The following RARB variants were observed in gnomAD, a reference collection of about 807,000 sequenced individuals.
The protein encoded by RARB is HBV-activated protein.
In RARB, 17 loss-of-function variants were observed where a neutral mutation model predicts 51.9. The observed-to-expected ratio is 0.33, with a 90% confidence interval of 0.22 to 0.49. The LOEUF (loss-of-function observed/expected upper bound fraction) is 0.49, where lower values mean the gene tolerates loss of function less well. Ranked by LOEUF, RARB falls within the 20% of genes least tolerant of loss-of-function variation. The pLI, the probability that RARB is intolerant of heterozygous loss-of-function variation, is 0.99. For synonymous variants in RARB, 215 were observed against 195.4 expected, an observed-to-expected ratio of 1.10 and a Z score of -0.84; for missense variants, 369 against 550.8, an observed-to-expected ratio of 0.67 and a Z score of 3.30.
At chr3:25,045,654 C>G (rs1334160378) in intron 2 of RARB, among the ~76,000 whole-genome samples, 1 of 152,104 alleles carries the variant, frequency 6.6e-6, no homozygotes, top group Admixed American at 6.5e-5. Flanking sequence ...TTTCTAATGC[C>G]TCATGAACCT....
At chr3:25,441,707 A>G (rs551368807) in intron 1 of RARB, among the ~76,000 whole-genome samples, 3 of 152,164 alleles carry the variant, frequency 2.0e-5, no homozygotes, top group Non-Finnish European at 4.4e-5. Flanking sequence ...CTGGATACCT[A>G]CTGCCATAGC....
chr3:25,285,458 G>A (rs1178305950), intron 5 of RARB, among the ~76,000 whole-genome samples: 3 of 152,166 alleles, frequency 2.0e-5, no homozygotes, highest in African/African-American at 7.2e-5. Context: ...AGACATTTAA[G>A]GGGGCTGTTG....
intron 2 of RARB, among the ~76,000 whole-genome samples, chr3:25,025,344 C>G (rs1697724764): frequency 6.6e-6 from 1 of 152,162 alleles, no homozygotes; most frequent in African/African-American, 2.4e-5. Flanking sequence ...TGGAGCCCTT[C>G]TCCTTTTGAC....
intron 1 of RARB, among the ~76,000 whole-genome samples, chr3:24,857,476 C>T (rs557017917): frequency 6.6e-6 from 1 of 152,142 alleles, no homozygotes; most frequent in African/African-American, 2.4e-5. Context: ...ATAATTATGT[C>T]CCCAATACAA....
At chr3:25,269,320 A>G (rs1013868782) in intron 5 of RARB, among the ~76,000 whole-genome samples, 2 of 152,202 alleles carry the variant, frequency 1.3e-5, no homozygotes, top group African/African-American at 4.8e-5. Context: ...TCTTTAACGT[A>G]TATGCCCCAC....
chr3:25,550,253 G>T lies in RARB; in HGVS notation c.449-19505G>T, dbSNP rs1040927887. 3.3e-5 allele frequency among the ~76,000 whole-genome samples: 5 copies of T among 152,258 alleles called. No individual in the cohort carries two copies. The South Asian group carries it at 1.0e-3, about 32-fold the overall frequency. ...TTGAGACATTATGCAGTTTCCTAAA[G>T]CCTTGAGGAAAAGGAGTATGTGTGT... On this transcript the variant is annotated intron_variant, in intron 3 of 7. Coordinates refer to ENST00000330688, the MANE Select transcript of RARB (RefSeq NM_000965.5).
chr3:25,389,650 A>T (rs1416269243), intron 5 of RARB, among the ~76,000 whole-genome samples: 1 of 152,142 alleles, frequency 6.6e-6, no homozygotes, highest in East Asian at 1.9e-4. Flanking sequence ...CCATTCATTA[A>T]TTTTACAAGT....
chr3:25,298,451 A>G (rs1203799555), intron 5 of RARB, among the ~76,000 whole-genome samples: 1 of 152,140 alleles, frequency 6.6e-6, no homozygotes, highest in Non-Finnish European at 1.5e-5. Flanking sequence ...TACATGCTTA[A>G]AAACTCAGCT....
intron 5 of RARB, among the ~76,000 whole-genome samples, chr3:25,180,640 T>C (rs1322611640): frequency 6.6e-6 from 1 of 152,234 alleles, no homozygotes; most frequent in African/African-American, 2.4e-5. Context: ...TGGTGACTTA[T>C]GCCTTGTCAC....
intron 1 of RARB, among the ~76,000 whole-genome samples, chr3:25,429,799 A>G (rs1708131466): frequency 6.6e-6 from 1 of 152,246 alleles, no homozygotes; most frequent in South Asian, 2.1e-4. Flanking sequence ...GGGTGGCTGT[A>G]GTGGGAGCCT....
chr3:25,291,011 G>C (rs1703772930), intron 5 of RARB, among the ~76,000 whole-genome samples: 1 of 152,094 alleles, frequency 6.6e-6, no homozygotes, highest in South Asian at 2.1e-4. Flanking sequence ...CAAGAGCTTT[G>C]GTAAAGAGAC....
At chr3:25,586,875 C>T (rs1047843107) in intron 5 of RARB, among the ~76,000 whole-genome samples, 2 of 152,198 alleles carry the variant, frequency 1.3e-5, no homozygotes, top group South Asian at 2.1e-4. Flanking sequence ...TGCGCCTGGG[C>T]GTCTGTGCCA....
intron 4 of RARB, among the ~76,000 whole-genome samples, chr3:25,157,857 C>A (rs1700405074): frequency 6.6e-6 from 1 of 152,170 alleles, no homozygotes; most frequent in Admixed American, 6.5e-5. Context: ...ATAAGACTCA[C>A]CTCTTTATTT....
At chr3:25,530,484 G>A (rs910248995) in intron 3 of RARB, among the ~76,000 whole-genome samples, 2 of 152,202 alleles carry the variant, frequency 1.3e-5, no homozygotes, top group Admixed American at 1.3e-4. Flanking sequence ...CTTTTTGGAG[G>A]CTCTAGGGGA....
At chr3:24,832,325 C>G (rs1702293157) in intron 1 of RARB, among the ~76,000 whole-genome samples, 1 of 151,900 alleles carries the variant, frequency 6.6e-6, no homozygotes, top group Non-Finnish European at 1.5e-5. Context: ...TGGAACAGCA[C>G]AGTGAAATCA....
intron 5 of RARB, among the ~76,000 whole-genome samples, chr3:25,285,380 A>G (rs1703624308): frequency 6.6e-6 from 1 of 152,112 alleles, no homozygotes; most frequent in African/African-American, 2.4e-5. Flanking sequence ...AAGAGAGGAG[A>G]GAGAGAGATG....
chr3:25,332,651 G>A (rs1449869857), intron 5 of RARB, among the ~76,000 whole-genome samples: 1 of 152,120 alleles, frequency 6.6e-6, no homozygotes, highest in Non-Finnish European at 1.5e-5. Context: ...CTCCTATTCA[G>A]CATAGTGCTG....
intron 5 of RARB, among the ~76,000 whole-genome samples, chr3:25,181,982 A>G: frequency 6.6e-6 from 1 of 152,194 alleles, no homozygotes. Context: ...GCAATTACAC[A>G]TTGAAATAAC....
intron 2 of RARB, among the ~76,000 whole-genome samples, chr3:24,894,049 G>A (rs1429943044): frequency 3.3e-5 from 5 of 152,128 alleles, no homozygotes; most frequent in African/African-American, 4.8e-5. Flanking sequence ...CTATTCAAAT[G>A]ATTAGAAATT....
Sources: allele counts gnomAD v4.1 joint callset (sites outside exome capture counted in the v4.1 genomes callset), GRCh38; gene constraint gnomAD v4.1.1; transcripts MANE v1.5; gene names NCBI Gene and HGNC (gene_info 2026-07-23, HGNC 2026-07-21).